The following NCOA2 variants were observed in gnomAD, a reference collection of about 807,000 sequenced individuals.
NCOA2 encodes nuclear receptor coactivator 2.
Under a neutral mutation model 145.1 loss-of-function variants are expected in NCOA2, and 21 were observed. That is an observed-to-expected ratio of 0.14 (90% CI 0.10 to 0.21). The LOEUF (loss-of-function observed/expected upper bound fraction) is 0.21. NCOA2 is among the 10% of genes least tolerant of loss of function. NCOA2 has a pLI of 1.00. For missense variants in NCOA2, 1,472 were observed against 1,837.6 expected, an observed-to-expected ratio of 0.80 and a Z score of 3.64; for synonymous variants, 619 against 637.5, an observed-to-expected ratio of 0.97 and a Z score of 0.44.
the NCOA2 span, among the ~76,000 whole-genome samples, chr8:70,414,939 AAAAAAAAGATAGGGTATGT>A: frequency 1.3e-5 from 2 of 152,160 alleles, no homozygotes; most frequent in South Asian, 4.1e-4. Context: ...AAAATGATAA[AAAAAAAAGATAGGGTATGT>A]TTCTTTCCAT....
chr8:70,397,307 T>C (rs1813760724), intron 1 of NCOA2, among the ~76,000 whole-genome samples: 1 of 151,786 alleles, frequency 6.6e-6, no homozygotes, highest in African/African-American at 2.4e-5. Context: ...ACAAAAATTA[T>C]CTGGGAGTGG....
the NCOA2 span, among the ~76,000 whole-genome samples, chr8:70,446,674 AT>A: frequency 6.6e-6 from 1 of 151,844 alleles, no homozygotes; most frequent in Non-Finnish European, 1.5e-5. Context: ...GAGCTGAGCT[AT>A]TTTTCAATTT....
chr8:70,192,130 A>G (rs1816761013), intron 4 of NCOA2, among the ~76,000 whole-genome samples: 1 of 152,232 alleles, frequency 6.6e-6, no homozygotes, highest in Non-Finnish European at 1.5e-5. Context: ...TATTTCAAAG[A>G]ATACATTTCC....
chr8:70,386,707 G>C (rs766637996), intron 1 of NCOA2, among the ~76,000 whole-genome samples: 11 of 152,050 alleles, frequency 7.2e-5, no homozygotes, highest in Non-Finnish European at 1.3e-4. Context: ...TCCAATCCCA[G>C]AAGACTTCTT....
rs73287306 is a variant in NCOA2, at chr8:70,157,838, C to A, written c.1125-598G>T. ...GATTTCCACTCATCTCCTCACCCCACACCCCTCCAAGTCAGAGCAAGACCT... is the reference window on the plus strand; with the variant it reads ...GATTTCCACTCATCTCCTCACCCCAAACCCCTCCAAGTCAGAGCAAGACCT... On this transcript the variant is annotated intron_variant, in intron 10 of 22. Coordinates refer to ENST00000452400, the MANE Select transcript of NCOA2 (RefSeq NM_006540.4). Among the ~76,000 whole-genome samples the A allele has an allele frequency of 4.2e-3, 638 of 152,318 alleles. 4 individuals carry two copies. Among genetic ancestry groups the A allele is most frequent in the African/African-American group, 0.015 (610 of 41,570 alleles).
the NCOA2 span, among the ~76,000 whole-genome samples, chr8:70,450,219 A>G: frequency 6.6e-6 from 1 of 152,242 alleles, no homozygotes; most frequent in Non-Finnish European, 1.5e-5. Flanking sequence ...TACATCCTGA[A>G]CAAATTCATA....
chr8:70,174,976 A>C, intron 4 of NCOA2, 117 bp from the exon 5 acceptor site: 1 of 902,290 alleles, frequency 1.1e-6, no homozygotes. Context: ...ATGCAGCTAC[A>C]AAAGAGTTAC....
intron 1 of NCOA2, among the ~76,000 whole-genome samples, chr8:70,350,115 G>T (rs1233335495): frequency 1.3e-5 from 2 of 152,100 alleles, no homozygotes; most frequent in African/African-American, 4.8e-5. Context: ...TATCTTGGGT[G>T]TGTATAAGGT....
chr8:70,159,240 A>ATTTTTTTTTT (rs1342064441), intron 10 of NCOA2, among the ~76,000 whole-genome samples: 2 of 92,986 alleles, frequency 2.2e-5, no homozygotes, highest in African/African-American at 1.1e-4. Context: ...ATATATATAT[A>ATTTTTTTTTT]TATTTTTTTT....
In NCOA2 at chr8:70,121,367, C is replaced by T. The variant is rs1453433558; in HGVS notation, c.4318G>A (p.Gly1440Ser). ...EQVNDPALRG[G>S]NLFPNQLPGM... ...GGCAGCTGGTTTGGGAACAGGTTGC[C>T]TCCCCTCAGAGCAGGATCATTAACC... The change falls in exon 22 of 23, where the codon GGC (glycine) becomes AGC (serine). Residue 1440 changes from glycine to serine, a missense_variant. Gly to Ser is a moderately conservative substitution (Grantham distance 56). Transcript: ENST00000452400. 3.1e-6 allele frequency: 5 copies of T among 1,612,420 alleles called. No homozygotes were observed. Among genetic ancestry groups the T allele is most frequent in the African/African-American group, 2.7e-5 (2 of 75,042 alleles).
At position 70,196,707 on chromosome 8, in the gene NCOA2, C is replaced by A. The variant is rs558110002; in HGVS notation, c.259+17196G>T. On this transcript the variant is annotated intron_variant, in intron 4 of 22. Coordinates refer to ENST00000452400, the MANE Select transcript of NCOA2 (RefSeq NM_006540.4). ...TCTAAAGACACAGCAATAACTATTA[C>A]AAATCTTTATTTTTATTTTGAATGT... Among the ~76,000 whole-genome samples, 5 of 152,178 alleles carry A rather than the reference C, an allele frequency of 3.3e-5. No individual in the cohort carries two copies. In the South Asian group the frequency reaches 1.0e-3, roughly 32 times the overall value.
intron 13 of NCOA2, among the ~76,000 whole-genome samples, chr8:70,141,758 T>C (rs1413014804): frequency 1.3e-5 from 2 of 152,024 alleles, no homozygotes; most frequent in East Asian, 3.9e-4. Flanking sequence ...AAAAGGGAGG[T>C]AGAGGCCAAG....
At chr8:70,371,121 T>C (rs1811176035) in intron 1 of NCOA2, among the ~76,000 whole-genome samples, 1 of 151,886 alleles carries the variant, frequency 6.6e-6, no homozygotes, top group Non-Finnish European at 1.5e-5. Context: ...CCCCCGTCTC[T>C]ACTAAAAATA....
intron 1 of NCOA2, among the ~76,000 whole-genome samples, chr8:70,356,351 A>C (rs1196311538): frequency 6.6e-6 from 1 of 152,120 alleles, no homozygotes; most frequent in East Asian, 1.9e-4. Flanking sequence ...TTTTCTTCCC[A>C]ATAAGTATCC....
intron 2 of NCOA2, among the ~76,000 whole-genome samples, chr8:70,274,198 A>G (rs1825293047): frequency 6.8e-6 from 1 of 147,094 alleles, no homozygotes; most frequent in South Asian, 2.1e-4. Flanking sequence ...TAAAGTTCTC[A>G]TGTTTGGAAA....
intron 1 of NCOA2, among the ~76,000 whole-genome samples, chr8:70,331,706 T>C (rs1284823746): frequency 1.3e-5 from 2 of 152,158 alleles, no homozygotes; most frequent in Non-Finnish European, 2.9e-5. Context: ...GCTTTAATTT[T>C]CATTTAAGCT....
intron 1 of NCOA2, among the ~76,000 whole-genome samples, chr8:70,314,873 T>C (rs957555428): frequency 6.7e-6 from 1 of 149,250 alleles, no homozygotes; most frequent in Non-Finnish European, 1.5e-5. Flanking sequence ...CTAGTAGACA[T>C]TTCATTGAAC....
At chr8:70,386,993 C>T (rs115741423) in intron 1 of NCOA2, among the ~76,000 whole-genome samples, 4,889 of 152,190 alleles carry the variant, frequency 0.032, 256 homozygotes, top group African/African-American at 0.11. Flanking sequence ...TTACTGCAAG[C>T]TCAAACTCCT....
chr8:70,345,820 C>T (rs776217446), intron 1 of NCOA2, among the ~76,000 whole-genome samples: 21 of 152,224 alleles, frequency 1.4e-4, no homozygotes, highest in Non-Finnish European at 2.4e-4. Flanking sequence ...TAAGTTCAGG[C>T]GGTCAGCTAG....
Sources: allele counts gnomAD v4.1 joint callset (sites outside exome capture counted in the v4.1 genomes callset), GRCh38; gene constraint gnomAD v4.1.1; transcripts MANE v1.5; gene names NCBI Gene and HGNC (gene_info 2026-07-23, HGNC 2026-07-21).